Variants in TENM4 observed in about 807,000 individuals in gnomAD.
TENM4 encodes teneurin transmembrane protein 4.
Under a neutral mutation model 243.3 loss-of-function variants are expected in TENM4, and 82 were observed. The observed-to-expected ratio is 0.34, with a 90% CI of 0.28 to 0.40. The LOEUF (loss-of-function observed/expected upper bound fraction) is 0.40, where lower values mean the gene tolerates loss of function less well. Ranked by LOEUF, TENM4 falls within the 10% of genes least tolerant of loss-of-function variation. The pLI is 1.00. For missense variants in TENM4, 3,138 were observed against 3,673.3 expected (o/e 0.85, Z 3.77); for synonymous variants, 1,412 against 1,456.3 (o/e 0.97, Z 0.69).
At chr11:79,072,052 C>A (rs758332998) in intron 4 of TENM4, among the ~76,000 whole-genome samples, 11 of 152,178 alleles carry the variant, frequency 7.2e-5, no homozygotes, top group Non-Finnish European at 1.5e-4. Context: ...CTCTGCCATC[C>A]TGATGCTCAG....
intron 1 of TENM4, among the ~76,000 whole-genome samples, chr11:79,389,015 G>A (rs1858174637): frequency 6.6e-6 from 1 of 152,236 alleles, no homozygotes; most frequent in Non-Finnish European, 1.5e-5. Context: ...GAGGTTGGCA[G>A]CACCAGATCA....
At chr11:79,250,792 C>CG (rs1855597209) in intron 2 of TENM4, among the ~76,000 whole-genome samples, 1 of 152,172 alleles carries the variant, frequency 6.6e-6, no homozygotes, top group African/African-American at 2.4e-5. Context: ...ACTTGCTAGG[C>CG]GAAGCTTAAA....
intron 3 of TENM4, among the ~76,000 whole-genome samples, chr11:79,182,484 T>G (rs1005503692): frequency 9.9e-5 from 15 of 152,086 alleles, no homozygotes; most frequent in Non-Finnish European, 1.9e-4. Flanking sequence ...GTAAATAACA[T>G]AGGAAAAAAT....
intron 2 of TENM4, among the ~76,000 whole-genome samples, chr11:79,223,785 T>C (rs1342297941): frequency 6.6e-6 from 1 of 152,166 alleles, no homozygotes; most frequent in African/African-American, 2.4e-5. Context: ...CACCCCATCA[T>C]ATTCTGGTGA....
At chr11:78,725,788 T>C (rs1349253927) in intron 23 of TENM4, among the ~76,000 whole-genome samples, 1 of 152,234 alleles carries the variant, frequency 6.6e-6, no homozygotes, top group Non-Finnish European at 1.5e-5. Context: ...CATAGTGCCC[T>C]GTGCCTCCCT....
intron 3 of TENM4, among the ~76,000 whole-genome samples, chr11:79,178,303 G>T (rs540915036): frequency 1.3e-5 from 2 of 152,264 alleles, no homozygotes; most frequent in Non-Finnish European, 2.9e-5. Flanking sequence ...TATATAAATT[G>T]GAGTTTAGGG....
chr11:79,366,797 C>G (rs930840837), intron 1 of TENM4, among the ~76,000 whole-genome samples: 1 of 152,062 alleles, frequency 6.6e-6, no homozygotes, highest in Non-Finnish European at 1.5e-5. Context: ...GATCTAAACA[C>G]AGGAGAAATC....
rs186017331 is a variant in TENM4 at position 79,263,900 on chromosome 11, C to T, written c.-265+33588G>A. Reference sequence around the variant, plus strand: ...TATGAGAAAAGTGGGCCTAGACCTCCCTATGCATGGCCTACGGGGCTTCGC... The same window carrying T: ...TATGAGAAAAGTGGGCCTAGACCTCTCTATGCATGGCCTACGGGGCTTCGC... On this transcript the variant is annotated intron_variant, in intron 2 of 33. Transcript: ENST00000278550. 1.1e-3 allele frequency among the ~76,000 whole-genome samples: 164 copies of T among 152,278 alleles called. 1 individual carries two copies. Among genetic ancestry groups the T allele is most frequent in the African/African-American group, 3.6e-3 (151 of 41,546 alleles).
chr11:79,252,329 C>T (rs561827607), intron 2 of TENM4, among the ~76,000 whole-genome samples: 9 of 152,142 alleles, frequency 5.9e-5, no homozygotes, highest in Non-Finnish European at 1.0e-4. Context: ...CTGCCTCCCG[C>T]GTTCACGCCA....
chr11:79,256,114 G>T (rs1397162896), intron 2 of TENM4, among the ~76,000 whole-genome samples: 1 of 152,180 alleles, frequency 6.6e-6, no homozygotes, highest in African/African-American at 2.4e-5. Flanking sequence ...TCCCTGCTAG[G>T]CTATAGTTGT....
chr11:78,894,837 T>A (rs1855749944), intron 7 of TENM4, among the ~76,000 whole-genome samples: 1 of 149,772 alleles, frequency 6.7e-6, no homozygotes, highest in African/African-American at 2.5e-5. Context: ...TAGAAAAAAA[T>A]TCAAAAACTA....
At position 78,722,837 on chromosome 11, in the gene TENM4, G is replaced by A. The variant is rs766649764; in HGVS notation, c.3631C>T (p.Arg1211Cys). Reference sequence around the variant, plus strand: ...CTGGGGCAGGAGATGCTTCTCCGGCGCCCATTGCCCATGATGCTCCCAATG... The same window carrying A: ...CTGGGGCAGGAGATGCTTCTCCGGCACCCATTGCCCATGATGCTCCCAATG... The part of the protein sequence containing the change: ...PVIGSIMGNG[R>C]RRSISCPSCN... The change falls in exon 24 of 34, where the codon CGC becomes TGC. Residue 1211 changes from arginine (R) to cysteine (C), a missense_variant. By Grantham distance (180) the Arg-to-Cys change is radical. Transcript: ENST00000278550. 21 of 1,613,900 alleles carry A rather than the reference G, an allele frequency of 1.3e-5. No homozygotes were observed. Among genetic ancestry groups the A allele is most frequent in the East Asian group, 2.2e-5 (1 of 44,896 alleles).
At chr11:79,061,048 G>A (rs1860073712) in intron 6 of TENM4, among the ~76,000 whole-genome samples, 2 of 151,084 alleles carry the variant, frequency 1.3e-5, no homozygotes, top group African/African-American at 2.5e-5. Flanking sequence ...CAGGGTAAAA[G>A]GAACCAAGAC....
At chr11:78,830,663 C>T (rs752789405) in intron 12 of TENM4, among the ~76,000 whole-genome samples, 1 of 152,174 alleles carries the variant, frequency 6.6e-6, no homozygotes, top group Non-Finnish European at 1.5e-5. Context: ...TCTCCGAAGG[C>T]TTGGGGAGAG....
At chr11:78,773,393 A>C (rs867984461) in intron 17 of TENM4, among the ~76,000 whole-genome samples, 1 of 152,314 alleles carries the variant, frequency 6.6e-6, no homozygotes, top group African/African-American at 2.4e-5. Flanking sequence ...TAAGGTATGC[A>C]TGATGCACAA....
At chr11:79,305,548 A>G (rs913754592) in intron 1 of TENM4, among the ~76,000 whole-genome samples, 1 of 152,182 alleles carries the variant, frequency 6.6e-6, no homozygotes, top group Non-Finnish European at 1.5e-5. Flanking sequence ...TTTTCAAAAC[A>G]AAAGGTCTGT....
intron 1 of TENM4, among the ~76,000 whole-genome samples, chr11:79,363,814 A>G (rs1263652709): frequency 6.6e-6 from 1 of 152,250 alleles, no homozygotes; most frequent in East Asian, 1.9e-4. Context: ...TCTAATTTTT[A>G]TGTAGTATAT....
At chr11:79,304,536 G>A (rs1018182440) in intron 1 of TENM4, among the ~76,000 whole-genome samples, 6 of 152,128 alleles carry the variant, frequency 3.9e-5, no homozygotes, top group East Asian at 1.9e-4. Context: ...CTTGAAACAT[G>A]CTCACTTTGG....
chr11:79,091,972 A>G (rs56130640), intron 4 of TENM4, among the ~76,000 whole-genome samples: 3 of 152,056 alleles, frequency 2.0e-5, no homozygotes, highest in Non-Finnish European at 4.4e-5. Context: ...GCCCTCCCAC[A>G]TGCCCCCTGA....
Sources: allele counts gnomAD v4.1 joint callset (sites outside exome capture counted in the v4.1 genomes callset), GRCh38; gene constraint gnomAD v4.1.1; transcripts MANE v1.5; gene names NCBI Gene and HGNC (gene_info 2026-07-23, HGNC 2026-07-21).